PIN4: variants seen among roughly 807,000 people sequenced by gnomAD.
The protein encoded by PIN4 is peptidylprolyl cis/trans isomerase, NIMA-interacting 4.
In PIN4, 3 loss-of-function variants were observed where a neutral mutation model predicts 8.3. The ratio of observed to expected loss-of-function variants is 0.36; its 90% confidence interval spans 0.16 to 0.93. The LOEUF (loss-of-function observed/expected upper bound fraction) is 0.93. Ranked by LOEUF, PIN4 falls within the 40% of genes least tolerant of loss-of-function variation. The pLI, the probability that PIN4 is intolerant of heterozygous loss-of-function variation, is 0.44. For synonymous variants in PIN4, 18 were observed against 32.5 expected (o/e 0.55, Z 1.52); for missense variants, 75 against 100.6 (o/e 0.75, Z 1.09).
At chrX:72,190,723 C>T (rs2042727405) in intron 2 of PIN4, among the ~76,000 whole-genome samples, 1 of 110,380 alleles carries the variant, frequency 9.1e-6, no homozygotes, top group African/African-American at 3.3e-5. Flanking sequence ...GAGGCCAAGG[C>T]TTGCGGATCA....
At position 72,190,782 on chromosome X, in the gene PIN4, G is replaced by A. The variant is rs537952201; in HGVS notation, c.117+4248G>A. Reference sequence around the variant, plus strand: ...AGCCTGGCCAACATGGTAAAACCCCGTCTCTGCTAAAAATACAAAAATTAG... The same window carrying A: ...AGCCTGGCCAACATGGTAAAACCCCATCTCTGCTAAAAATACAAAAATTAG... On this transcript the variant is annotated intron_variant, in intron 2 of 3. Transcript: ENST00000373669. Among the ~76,000 whole-genome samples, 13 of 109,349 alleles carry A rather than the reference G, an allele frequency of 1.2e-4. No individual in the cohort carries two copies. In the South Asian group the frequency reaches 4.7e-3, roughly 40 times the overall value. 95.0% of individuals were successfully genotyped at this position (109,349 alleles called of 115,157 possible).
At chrX:72,190,582 C>T (rs1037845550) in intron 2 of PIN4, among the ~76,000 whole-genome samples, 1 of 111,399 alleles carries the variant, frequency 9.0e-6, no homozygotes, top group African/African-American at 3.3e-5. Flanking sequence ...ACTAATAATT[C>T]CAATATGAGT....
chrX:72,222,527 A>C (rs1225294825), intron 3 of PIN4, among the ~76,000 whole-genome samples: 1 of 111,269 alleles, frequency 9.0e-6, no homozygotes. Flanking sequence ...CATGAACAAA[A>C]ATGCCCATAA....
chrX:72,250,743 T>TTG (rs1350024037), intron 3 of PIN4, among the ~76,000 whole-genome samples: 1,856 of 97,684 alleles, frequency 0.019, 50 homozygotes, highest in African/African-American at 0.067. Context: ...ATGGTTTTTT[T>TTG]TTTTTTTTTT....
At chrX:72,212,231 A>G (rs1307051623) in intron 3 of PIN4, among the ~76,000 whole-genome samples, 1 of 110,711 alleles carries the variant, frequency 9.0e-6, no homozygotes, top group East Asian at 2.8e-4. Context: ...AGATCGCACC[A>G]CTACACTCCA....
chrX:72,210,120 T>C (rs1162642327), intron 3 of PIN4, among the ~76,000 whole-genome samples: 1 of 108,412 alleles, frequency 9.2e-6, no homozygotes, highest in Non-Finnish European at 1.9e-5. Flanking sequence ...ATCCCAGCAC[T>C]TTTGGGAGGC....
rs772683872 is a variant in PIN4, at chrX:72,181,908, C to T, written c.43+80C>T. The T allele has an allele frequency of 6.5e-6, 4 of 612,730 alleles. No homozygotes were observed. The African/African-American group carries it at 6.5e-5, about 10-fold the overall frequency. 50.5% of individuals were successfully genotyped at this position (612,730 alleles called of 1,213,427 possible). A position where few individuals can be genotyped will look rare whatever the true frequency, so the allele number is the denominator to read the frequency against. On this transcript the variant is annotated intron_variant, in intron 1 of 3. Transcript: ENST00000373669. ...GGAACAGACAGTCCATCTCCGGAGT[C>T]CGGGACGGACGCAGCAGGTAGCCAG...
At chrX:72,263,147 G>A (rs1388376048) in exon 4 of PIN4, 3 of 136,232 alleles carry the variant, frequency 2.2e-5, no homozygotes, top group Non-Finnish European at 4.3e-5. Flanking sequence ...CAGCCAAATA[G>A]ACAATTTTAA....
At position 72,241,817 on chromosome X, in the gene PIN4, CA is replaced by C. The variant is rs397953581; in HGVS notation, c.313-20878del. 4.9e-4 allele frequency among the ~76,000 whole-genome samples: 49 copies of C among 99,244 alleles called. 1 individual carries two copies. The Middle Eastern group carries it at 0.016, about 31-fold the overall frequency. 86.2% of individuals were successfully genotyped at this position (99,244 alleles called of 115,157 possible). ...GGGCAACAAGAGCGAAACTCCGTCT[CA>C]AAAAAAAAAAATATGAGTTTGAGTC... On this transcript the variant is annotated intron_variant, in intron 3 of 3. Transcript: ENST00000423432.
chrX:72,213,576 C>T (rs748908360), intron 3 of PIN4, among the ~76,000 whole-genome samples: 1 of 112,158 alleles, frequency 8.9e-6, no homozygotes, highest in African/African-American at 3.2e-5. Flanking sequence ...GCAGACCCAT[C>T]GCTGACTTCC....
Position 72,221,085 on chromosome X carries a change from G to A in PIN4, c.312+24181G>A, listed in dbSNP as rs182372932. ...TGAAGGGGACTGCAAGGCTCTGGCC[G>A]GGGCTACTCCCCAACAAGTCTTTAA... On this transcript the variant is annotated intron_variant, in intron 3 of 3. Coordinates refer to the PIN4 transcript ENST00000423432. Among the ~76,000 whole-genome samples the A allele has an allele frequency of 1.4e-3, 156 of 111,903 alleles. 1 individual carries two copies. The highest frequency in any genetic ancestry group is 4.6e-3 in the African/African-American group (141 of 30,836).
At chrX:72,230,413 C>T (rs763108479) in intron 3 of PIN4, among the ~76,000 whole-genome samples, 12 of 110,784 alleles carry the variant, frequency 1.1e-4, no homozygotes, top group Middle Eastern at 4.6e-3. Flanking sequence ...TAAAACCTCT[C>T]CCTCACACAG....
chrX:72,192,261 G>T (rs1045666491), intron 2 of PIN4, among the ~76,000 whole-genome samples: 3 of 111,190 alleles, frequency 2.7e-5, no homozygotes, highest in Admixed American at 9.6e-5. Context: ...TGTAAATTTC[G>T]TATTTACATG....
intron 3 of PIN4, among the ~76,000 whole-genome samples, chrX:72,218,521 T>TCTCGCTCTGTCACCCAGG (rs1418769541): frequency 1.5e-3 from 161 of 104,160 alleles, no homozygotes; most frequent in African/African-American, 5.6e-3. Context: ...GAAACAAGAG[T>TCTCGCTCTGTCACCCAGG]CTCGCTCTGT....
intron 3 of PIN4, chrX:72,239,096 G>T (rs936532774): frequency 3.2e-5 from 14 of 434,189 alleles, no homozygotes; most frequent in Non-Finnish European, 5.1e-5. Context: ...GCGACCACGC[G>T]CTGCGACGCC....
rs188390301 is a variant in PIN4 at position 72,193,843 on chromosome X, G to A, written c.118-2942G>A. Among the ~76,000 whole-genome samples the A allele has an allele frequency of 4.5e-3, 464 of 103,518 alleles. 7 individuals are homozygous for A. Among genetic ancestry groups the A allele is most frequent in the African/African-American group, 0.015 (426 of 27,735 alleles). The allele number at this position is 103,518 out of a possible 115,157, so 89.9% of individuals were successfully genotyped here. On this transcript the variant is annotated intron_variant, in intron 2 of 3. Coordinates refer to ENST00000373669, the MANE Select transcript of PIN4 (RefSeq NM_006223.4). Reference sequence around the variant, plus strand: ...AGCTGAGATTGTGCTACTGCACTCCGACTTGGATGACAGAATGAGACTTCA... The same window carrying A: ...AGCTGAGATTGTGCTACTGCACTCCAACTTGGATGACAGAATGAGACTTCA...
intron 2 of PIN4, among the ~76,000 whole-genome samples, chrX:72,191,617 G>A (rs1256219426): frequency 2.7e-5 from 3 of 111,910 alleles, no homozygotes; most frequent in African/African-American, 9.8e-5. Flanking sequence ...CCAGGGTTAA[G>A]AAACACTCAT....
intron 3 of PIN4, among the ~76,000 whole-genome samples, chrX:72,245,331 C>A (rs1365127452): frequency 9.2e-5 from 10 of 109,260 alleles, no homozygotes; most frequent in Non-Finnish European, 9.5e-5. Context: ...ACCACATCCA[C>A]CTAATTTTTT....
At chrX:72,195,116 G>A (rs1305103813) in intron 2 of PIN4, among the ~76,000 whole-genome samples, 2 of 112,326 alleles carry the variant, frequency 1.8e-5, no homozygotes, top group East Asian at 2.8e-4. Flanking sequence ...GTTAAGTGAC[G>A]CGTGACTATA....
Sources: gnomAD v4.1 joint callset for allele counts (sites outside exome capture counted in the v4.1 genomes callset) on GRCh38, gnomAD v4.1.1 for gene constraint, MANE v1.5 for transcripts, NCBI Gene and HGNC (gene_info 2026-07-23, HGNC 2026-07-21) for gene names.